The following USH2A variants were observed in gnomAD, a reference collection of about 807,000 sequenced individuals.
USH2A encodes the protein Usher syndrome 2A (autosomal recessive, mild).
USH2A carries 443 observed loss-of-function variants against 538.9 expected under a neutral mutation model. The observed-to-expected ratio is 0.82, with a 90% CI of 0.76 to 0.89. USH2A has a LOEUF of 0.89. Ranked by LOEUF, USH2A falls within the 40% of genes least tolerant of loss-of-function variation. USH2A has a pLI of 0.00. For missense variants in USH2A, 6,633 were observed against 6,324.8 expected, an observed-to-expected ratio of 1.05 and a Z score of -1.65; for synonymous variants, 2,413 against 2,273.5, an observed-to-expected ratio of 1.06 and a Z score of -1.75.
chr1:216,354,960 T>C (rs1558051582), intron 4 of USH2A, among the ~76,000 whole-genome samples: 1 of 151,944 alleles, frequency 6.6e-6, no homozygotes, highest in Non-Finnish European at 1.5e-5. Flanking sequence ...CCTAGGCATA[T>C]CATAAACTGA....
At chr1:215,798,215 T>C (rs987914697) in intron 50 of USH2A, among the ~76,000 whole-genome samples, 6 of 152,156 alleles carry the variant, frequency 3.9e-5, no homozygotes, top group Non-Finnish European at 7.4e-5. Flanking sequence ...AGAAAGTGGC[T>C]TCTTGAGATG....
chr1:216,364,224 T>G (rs2038550376), intron 4 of USH2A, among the ~76,000 whole-genome samples: 1 of 152,098 alleles, frequency 6.6e-6, no homozygotes, highest in African/African-American at 2.4e-5. Context: ...TCAGTCCAGT[T>G]AATTACATGT....
Position 215,829,886 on chromosome 1 carries a change from CA to C in USH2A, c.9371+8104del, listed in dbSNP as rs199531452. On this transcript the variant is annotated intron_variant, in intron 47 of 71. Coordinates refer to ENST00000307340, the MANE Select transcript of USH2A (RefSeq NM_206933.4). ...GACTGGGGGGGAAAAGGAAAGTTGC[CA>C]AAGGCATTGGAAGAAAGAAAACTGT... Among the ~76,000 whole-genome samples, 828 of 152,166 alleles carry C rather than the reference CA, an allele frequency of 5.4e-3. 6 individuals are homozygous for C. The highest frequency in any genetic ancestry group is 0.018 in the African/African-American group (767 of 41,506).
intron 7 of USH2A, among the ~76,000 whole-genome samples, chr1:216,323,948 T>C (rs1370654801): frequency 6.6e-6 from 1 of 152,096 alleles, no homozygotes; most frequent in East Asian, 1.9e-4. Flanking sequence ...GAAAATCAGA[T>C]TGTGAAACAT....
At chr1:216,020,009 A>G (rs560201038) in intron 32 of USH2A, among the ~76,000 whole-genome samples, 3 of 152,328 alleles carry the variant, frequency 2.0e-5, no homozygotes, top group African/African-American at 7.2e-5. Context: ...TAAGATATTT[A>G]ATGGATTGTC....
At chr1:215,849,101 C>A (rs1663945975) in intron 44 of USH2A, among the ~76,000 whole-genome samples, 1 of 152,184 alleles carries the variant, frequency 6.6e-6, no homozygotes, top group Non-Finnish European at 1.5e-5. Flanking sequence ...CTGAATGTAT[C>A]TCTCCTTTTT....
intron 60 of USH2A, among the ~76,000 whole-genome samples, chr1:215,728,895 C>T (rs148456737): frequency 6.6e-6 from 1 of 152,038 alleles, no homozygotes; most frequent in Non-Finnish European, 1.5e-5. Flanking sequence ...GCAGTTATAT[C>T]GGGGTTTTAT....
At chr1:215,822,320 C>T (rs1415980598) in intron 47 of USH2A, among the ~76,000 whole-genome samples, 1 of 151,680 alleles carries the variant, frequency 6.6e-6, no homozygotes, top group Non-Finnish European at 1.5e-5. Context: ...TATAGTTTTA[C>T]TTGTATAGAT....
In USH2A at chr1:215,945,944, C is replaced by T. The variant is rs115811861; in HGVS notation, c.7121-11149G>A. Among the ~76,000 whole-genome samples the T allele has an allele frequency of 4.1e-3, 625 of 152,238 alleles. 3 individuals are homozygous for T. Among genetic ancestry groups the T allele is most frequent in the African/African-American group, 0.014 (597 of 41,548 alleles). ...CTTTTGTGAGTGTAATGAATTGGTACTATTTAACCCTTTCAATCACAGGGT... is the reference window on the plus strand; with the variant it reads ...CTTTTGTGAGTGTAATGAATTGGTATTATTTAACCCTTTCAATCACAGGGT... On this transcript the variant is annotated intron_variant, in intron 37 of 71. Coordinates refer to ENST00000307340, the MANE Select transcript of USH2A (RefSeq NM_206933.4).
Position 215,977,067 on chromosome 1 carries a change from C to A in USH2A, c.6806-6291G>T, listed in dbSNP as rs7547834. On this transcript the variant is annotated intron_variant, in intron 35 of 71. Coordinates refer to ENST00000307340, the MANE Select transcript of USH2A (RefSeq NM_206933.4). ...ACAACAACAAACAAGCAAAACACAT[C>A]CTCAGAGACTATTATAAACACCTCT... 8.4e-3 allele frequency among the ~76,000 whole-genome samples: 1,273 copies of A among 151,122 alleles called. 23 individuals are homozygous for A. The highest frequency in any genetic ancestry group is 0.029 in the African/African-American group (1,190 of 41,102).
At chr1:216,187,505 C>A (rs1162240759) in intron 20 of USH2A, among the ~76,000 whole-genome samples, 1 of 151,890 alleles carries the variant, frequency 6.6e-6, no homozygotes, top group East Asian at 1.9e-4. Flanking sequence ...ATACTTCTTA[C>A]AGAAATAATA....
chr1:216,395,274 TTAAG>T (rs1368548494), intron 3 of USH2A, among the ~76,000 whole-genome samples: 1 of 152,204 alleles, frequency 6.6e-6, no homozygotes, highest in East Asian at 1.9e-4. Context: ...GTATCCTACT[TTAAG>T]TAAAAATACA....
At chr1:216,122,179 G>C (rs1035631522) in intron 21 of USH2A, among the ~76,000 whole-genome samples, 3 of 152,102 alleles carry the variant, frequency 2.0e-5, no homozygotes, top group African/African-American at 7.2e-5. Context: ...AGGTAGATTT[G>C]GATCCAGACA....
At chr1:216,109,649 A>C (rs2032819324) in intron 21 of USH2A, among the ~76,000 whole-genome samples, 1 of 152,096 alleles carries the variant, frequency 6.6e-6, no homozygotes, top group African/African-American at 2.4e-5. Flanking sequence ...ACTGTTTTAT[A>C]TATATTTCTC....
intron 43 of USH2A, among the ~76,000 whole-genome samples, chr1:215,868,195 C>T (rs1325525): frequency 0.039 from 5,897 of 152,198 alleles, 175 homozygotes; most frequent in South Asian, 0.14. Flanking sequence ...TCTGATTTGA[C>T]GATGCAAAGG....
At chr1:216,030,739 A>C (rs1380132333) in intron 32 of USH2A, among the ~76,000 whole-genome samples, 1 of 150,830 alleles carries the variant, frequency 6.6e-6, no homozygotes, top group Non-Finnish European at 1.5e-5. Context: ...GGGTGAGTGA[A>C]AAAGAAGTTT....
At chr1:215,989,313 G>T (rs1402488795) in intron 35 of USH2A, among the ~76,000 whole-genome samples, 2 of 152,066 alleles carry the variant, frequency 1.3e-5, no homozygotes, top group Non-Finnish European at 2.9e-5. Context: ...TCTATATCTG[G>T]TCCTGCAACA....
At chr1:216,104,833 A>C (rs2032691004) in intron 21 of USH2A, among the ~76,000 whole-genome samples, 1 of 152,226 alleles carries the variant, frequency 6.6e-6, no homozygotes, top group Admixed American at 6.5e-5. Context: ...GATCTAATTA[A>C]ACTAAAGAGC....
chr1:216,335,142 GA>G (rs1454449867), intron 4 of USH2A, among the ~76,000 whole-genome samples: 1 of 151,538 alleles, frequency 6.6e-6, no homozygotes, highest in Non-Finnish European at 1.5e-5. Context: ...ATCAATAACA[GA>G]AGCAAATTTG....
Sources: gnomAD v4.1 joint callset for allele counts (sites outside exome capture counted in the v4.1 genomes callset) on GRCh38, gnomAD v4.1.1 for gene constraint, MANE v1.5 for transcripts, NCBI Gene and HGNC (gene_info 2026-07-23, HGNC 2026-07-21) for gene names.